The following SNTG1 variants were observed in gnomAD, a reference collection of about 807,000 sequenced individuals.
SNTG1 encodes the protein gamma-1-syntrophin.
In SNTG1, 39 loss-of-function variants were observed where a neutral mutation model predicts 74.7. The ratio of observed to expected loss-of-function variants is 0.52; its 90% CI spans 0.40 to 0.68. The LOEUF is 0.68. SNTG1 is among the 30% of genes least tolerant of loss of function. The pLI, the probability that SNTG1 is intolerant of heterozygous loss-of-function variation, is 0.00. For missense variants in SNTG1, 685 were observed against 609.5 expected, an observed-to-expected ratio of 1.12 and a Z score of -1.30; for synonymous variants, 254 against 217.1, an observed-to-expected ratio of 1.17 and a Z score of -1.49.
chr8:50,115,576 A>ACAAAAAAAAAAAAAAAAAAC (rs1554580678), intron 1 of SNTG1, among the ~76,000 whole-genome samples: 1 of 82,800 alleles, frequency 1.2e-5, no homozygotes, highest in South Asian at 5.1e-4. Context: ...TCAAAAAAAA[A>ACAAAAAAAAAAAAAAAAAAC]AAAAAAAAAA....
intron 15 of SNTG1, among the ~76,000 whole-genome samples, chr8:50,697,111 A>G (rs1186651514): frequency 6.6e-6 from 1 of 151,894 alleles, no homozygotes; most frequent in African/African-American, 2.4e-5. Context: ...TGTCAACTAT[A>G]ATTTCTTTTA....
At chr8:50,532,486 A>G (rs923936426) in intron 10 of SNTG1, among the ~76,000 whole-genome samples, 1 of 152,232 alleles carries the variant, frequency 6.6e-6, no homozygotes, top group Non-Finnish European at 1.5e-5. Flanking sequence ...AGAGATAAAG[A>G]GTTGTAGAGA....
intron 12 of SNTG1, among the ~76,000 whole-genome samples, chr8:50,577,410 G>A (rs918472475): frequency 6.7e-6 from 1 of 148,922 alleles, no homozygotes; most frequent in South Asian, 2.1e-4. Flanking sequence ...TTTTGTTGAG[G>A]ATATTTTCAT....
chr8:50,102,831 G>A (rs1399194215), intron 1 of SNTG1, among the ~76,000 whole-genome samples: 1 of 148,780 alleles, frequency 6.7e-6, no homozygotes, highest in Admixed American at 6.7e-5. Flanking sequence ...TTTCCCCATT[G>A]CTTGTTTTTG....
chr8:50,212,976 T>C (rs4873427), intron 2 of SNTG1, among the ~76,000 whole-genome samples: 65,491 of 152,078 alleles, frequency 0.43, 17,860 homozygotes, highest in African/African-American at 0.78. Flanking sequence ...ATTTTAATGA[T>C]GCCTCTCCCA....
At chr8:50,077,852 G>A (rs1262728915) in intron 1 of SNTG1, among the ~76,000 whole-genome samples, 2 of 152,102 alleles carry the variant, frequency 1.3e-5, no homozygotes, top group Non-Finnish European at 2.9e-5. Flanking sequence ...GTGTGTGTAT[G>A]CATATGTTTT....
At chr8:49,992,759 C>A (rs1042800147) in intron 1 of SNTG1, among the ~76,000 whole-genome samples, 1 of 152,112 alleles carries the variant, frequency 6.6e-6, no homozygotes, top group Non-Finnish European at 1.5e-5. Flanking sequence ...TAGTAATGGA[C>A]CTCTTGAGAA....
At chr8:49,910,361 C>T (rs1805519331), upstream of SNTG1, among the ~76,000 whole-genome samples, 1 of 148,272 alleles carries the variant, frequency 6.7e-6, no homozygotes, top group Non-Finnish European at 1.5e-5. Flanking sequence ...TCATGTCTAT[C>T]AATAACCTCC....
intron 1 of SNTG1, among the ~76,000 whole-genome samples, chr8:49,948,900 A>G (rs1809451890): frequency 6.6e-6 from 1 of 152,148 alleles, no homozygotes; most frequent in Non-Finnish European, 1.5e-5. Flanking sequence ...GGCCCAGTCC[A>G]CCTTTTGGTC....
intron 1 of SNTG1, among the ~76,000 whole-genome samples, chr8:49,985,711 A>T (rs933908436): frequency 7.2e-5 from 11 of 152,212 alleles, no homozygotes; most frequent in African/African-American, 2.7e-4. Context: ...CAAATAACTC[A>T]GCAGAAGGGA....
At chr8:50,173,330 C>T (rs754307341) in intron 2 of SNTG1, among the ~76,000 whole-genome samples, 1 of 152,122 alleles carries the variant, frequency 6.6e-6, no homozygotes, top group Non-Finnish European at 1.5e-5. Context: ...ATTGAAGTCA[C>T]TAAATCTATT....
chr8:50,493,411 C>T (rs1563471106), intron 8 of SNTG1, among the ~76,000 whole-genome samples: 1 of 152,108 alleles, frequency 6.6e-6, no homozygotes, highest in East Asian at 1.9e-4. Flanking sequence ...TGGGACTTTT[C>T]TAATGTTTGT....
intron 1 of SNTG1, among the ~76,000 whole-genome samples, chr8:50,003,696 T>A (rs1814955996): frequency 6.6e-6 from 1 of 152,166 alleles, no homozygotes; most frequent in Non-Finnish European, 1.5e-5. Context: ...TATTTACTTT[T>A]TGTTCTCTCA....
intron 1 of SNTG1, among the ~76,000 whole-genome samples, chr8:50,156,830 C>T (rs2082270147): frequency 6.6e-6 from 1 of 152,094 alleles, no homozygotes; most frequent in African/African-American, 2.4e-5. Context: ...GCTACCACGT[C>T]ACACCCACTA....
At chr8:50,511,458 C>T (rs1270835655) in intron 9 of SNTG1, among the ~76,000 whole-genome samples, 1 of 152,116 alleles carries the variant, frequency 6.6e-6, no homozygotes, top group African/African-American at 2.4e-5. Context: ...GAGTTCAATT[C>T]CTGGATATCC....
At chr8:50,023,594 C>T (rs925114749) in intron 1 of SNTG1, among the ~76,000 whole-genome samples, 1 of 152,038 alleles carries the variant, frequency 6.6e-6, no homozygotes, top group African/African-American at 2.4e-5. Flanking sequence ...TCATGCCATT[C>T]CTGAAATTTT....
chr8:50,739,217 GA>G (rs1385981980), intron 17 of SNTG1, among the ~76,000 whole-genome samples: 3 of 151,646 alleles, frequency 2.0e-5, no homozygotes, highest in Non-Finnish European at 2.9e-5. Context: ...AAATTTACAA[GA>G]AAAAAACAAA....
chr8:50,734,948 C>G lies in SNTG1; in HGVS notation c.1285-17053C>G, dbSNP rs1383980468. 4.2e-4 allele frequency among the ~76,000 whole-genome samples: 24 copies of G among 57,556 alleles called. 3 individuals are homozygous for G. Among genetic ancestry groups the G allele is most frequent in the African/African-American group, 3.2e-4 (2 of 6,274 alleles). 37.8% of individuals were successfully genotyped at this position (57,556 alleles called of 152,430 possible). On this transcript the variant is annotated intron_variant, in intron 17 of 18. Transcript: ENST00000642720. ...ATATACATATATAGATATATATGGA[C>G]ATATATATCTATATATCCATATATA...
At chr8:49,992,360 C>G (rs940053667) in intron 1 of SNTG1, among the ~76,000 whole-genome samples, 1 of 152,120 alleles carries the variant, frequency 6.6e-6, no homozygotes, top group Non-Finnish European at 1.5e-5. Flanking sequence ...CCACCGGGCA[C>G]TAACTTGGCA....
Sources: gnomAD v4.1 joint callset for allele counts (sites outside exome capture counted in the v4.1 genomes callset) on GRCh38, gnomAD v4.1.1 for gene constraint, MANE v1.5 for transcripts, NCBI Gene and HGNC (gene_info 2026-07-23, HGNC 2026-07-21) for gene names.